Variants in NCKAP1 observed in about 807,000 individuals in gnomAD.
NCKAP1 encodes the protein nck-associated protein 1.
In NCKAP1, 21 loss-of-function variants were observed where a neutral mutation model predicts 151.2. The observed-to-expected ratio is 0.14, with a 90% CI of 0.10 to 0.20. The LOEUF (loss-of-function observed/expected upper bound fraction) is 0.20, where lower values mean the gene tolerates loss of function less well. Ranked by LOEUF, NCKAP1 falls within the 10% of genes least tolerant of loss-of-function variation. The pLI is 1.00. For missense variants in NCKAP1, 933 were observed against 1,352.1 expected (o/e 0.69, Z 4.86); for synonymous variants, 484 against 451.8 (o/e 1.07, Z -0.90).
chr2:182,917,674 G>A lies in NCKAP1; in HGVS notation c.*8028C>T, dbSNP rs1696489840. The stretch of plus-strand genomic sequence containing the variant: ...CCAAGTGTTGTATGTTCCAGTGTAG[G>A]ATCTCACTTCAACAGCTGCGTTACC... On this transcript the variant is annotated 3_prime_UTR_variant, in exon 31 of 31. Coordinates refer to ENST00000361354, the MANE Select transcript of NCKAP1 (RefSeq NM_013436.5). 1 of 152,004 alleles carries A rather than the reference G, an allele frequency of 6.6e-6. No homozygotes were observed. Among genetic ancestry groups the A allele is most frequent in the African/African-American group, 2.4e-5 (1 of 41,388 alleles). 9.4% of individuals were successfully genotyped at this position (152,004 alleles called of 1,614,324 possible). A position where few individuals can be genotyped will look rare whatever the true frequency, so the allele number is the denominator to read the frequency against.
At chr2:182,926,742 TA>T in intron 30 of NCKAP1, 73 bp downstream of exon 30, 1 of 1,036,094 alleles carries the variant, frequency 9.7e-7, no homozygotes. Context: ...ATTCAATGAC[TA>T]AGATGCCAAG....
At chr2:182,945,095 C>T (rs1301629529) in intron 23 of NCKAP1, among the ~76,000 whole-genome samples, 1 of 152,026 alleles carries the variant, frequency 6.6e-6, no homozygotes, top group Non-Finnish European at 1.5e-5. Context: ...ATTAGCAAGG[C>T]GTGGTGGCAG....
chr2:182,927,868 A>G (rs984036115), intron 29 of NCKAP1, among the ~76,000 whole-genome samples: 6 of 151,978 alleles, frequency 3.9e-5, no homozygotes, highest in African/African-American at 1.4e-4. Context: ...TCTAAGGGAA[A>G]TAACGGACGG....
At chr2:182,957,361 C>A in intron 19 of NCKAP1, 96 bp downstream of exon 19, 1 of 1,216,876 alleles carries the variant, frequency 8.2e-7, no homozygotes, top group South Asian at 2.2e-5. Flanking sequence ...GAAGAATATA[C>A]AATTATTAGC....
At chr2:182,965,937 G>A (rs1443123873) in intron 16 of NCKAP1, among the ~76,000 whole-genome samples, 1 of 152,088 alleles carries the variant, frequency 6.6e-6, no homozygotes, top group Non-Finnish European at 1.5e-5. Flanking sequence ...ACTTCCTAAT[G>A]TGTTTCATTA....
chr2:183,014,265 C>A (rs765629517), intron 2 of NCKAP1, among the ~76,000 whole-genome samples: 13 of 151,926 alleles, frequency 8.6e-5, no homozygotes, highest in Non-Finnish European at 1.2e-4. Context: ...CATACATATG[C>A]AGAACTTAAA....
intron 2 of NCKAP1, among the ~76,000 whole-genome samples, chr2:183,018,499 T>C (rs1011626165): frequency 6.6e-6 from 1 of 152,110 alleles, no homozygotes; most frequent in Admixed American, 6.5e-5. Flanking sequence ...CCACAGTGCA[T>C]GCATGTGTCA....
intron 28 of NCKAP1, among the ~76,000 whole-genome samples, chr2:182,928,499 G>A (rs1443285825): frequency 5.3e-5 from 8 of 151,906 alleles, no homozygotes; most frequent in Non-Finnish European, 1.2e-4. Flanking sequence ...ATAGTAGCTC[G>A]GAAATAAAAA....
rs747967802 is a variant in NCKAP1, at chr2:182,967,271, T to C, written c.1573A>G (p.Met525Val). Residue 525 changes from methionine to valine, a missense_variant, in exon 16 of 31, where the codon ATG becomes GTG. Coordinates refer to ENST00000361354, the MANE Select transcript of NCKAP1 (RefSeq NM_013436.5). ...AACATTTCCACCAAGGAATCTACCA[T>C]TTTTGTATGAAAAATTATTGTATTC... Reference protein sequence around the residue: ...MMNTIIFHTKMVDSLVEMLVE... With the variant: ...MMNTIIFHTKVVDSLVEMLVE... 7.4e-6 allele frequency: 12 copies of C among 1,612,430 alleles called. No homozygotes were observed. The highest frequency in any genetic ancestry group is 1.0e-5 in the Non-Finnish European group (12 of 1,179,198).
At chr2:183,021,540 G>A (rs1174526836) in intron 2 of NCKAP1, among the ~76,000 whole-genome samples, 1 of 152,190 alleles carries the variant, frequency 6.6e-6, no homozygotes, top group Non-Finnish European at 1.5e-5. Flanking sequence ...TGGTCTAGGA[G>A]TTCGGTGTTA....
At chr2:182,932,502 T>C (rs1277318251) in intron 26 of NCKAP1, among the ~76,000 whole-genome samples, 2 of 152,000 alleles carry the variant, frequency 1.3e-5, no homozygotes, top group Non-Finnish European at 2.9e-5. Context: ...AGGCTTCTTT[T>C]TGGGGATGAT....
rs1022646214 is a variant in NCKAP1, at chr2:182,921,574, A to C, written c.*4128T>G. On this transcript the variant is annotated 3_prime_UTR_variant, in exon 31 of 31. Coordinates refer to ENST00000361354, the MANE Select transcript of NCKAP1 (RefSeq NM_013436.5). The stretch of plus-strand genomic sequence containing the variant: ...ACCAAGAGGATTGTCTCAATCCTTA[A>C]GAGAAAGAAGAAGGTAAGGGCTGGG... 6 of 152,242 alleles carry C rather than the reference A, an allele frequency of 3.9e-5. No individual in the cohort carries two copies. Among genetic ancestry groups the C allele is most frequent in the African/African-American group, 1.4e-4 (6 of 41,448 alleles). The allele number at this position is 152,242 out of a possible 1,614,324, so 9.4% of individuals were successfully genotyped here. A position where few individuals can be genotyped will look rare whatever the true frequency, so the allele number is the denominator to read the frequency against.
In NCKAP1 at chr2:183,003,034, A is replaced by T; in HGVS notation, c.313-4T>A. 1 of 1,604,280 alleles carries T rather than the reference A, an allele frequency of 6.2e-7. No individual in the cohort carries two copies. ...TCAGCAATTCACAAACATGGTCCTG[A>T]AAAGAAATACTTATTTTAATCTTTT... On this transcript the variant is annotated splice_region_variant and splice_polypyrimidine_tract_variant and intron_variant, in intron 3 of 30. Coordinates refer to ENST00000361354, the MANE Select transcript of NCKAP1 (RefSeq NM_013436.5).
intron 2 of NCKAP1, among the ~76,000 whole-genome samples, chr2:183,005,446 C>A (rs983163321): frequency 2.6e-5 from 4 of 152,110 alleles, no homozygotes; most frequent in African/African-American, 9.7e-5. Context: ...CTTAAAAGAA[C>A]CTTCTTAAAG....
rs1228618278 is a variant in NCKAP1, at chr2:182,982,907, T to C, written c.1122A>G (p.Ala374=). ...LGPKALFVFM[A]LSFARDEIIW... is the part of the protein sequence containing the mutation. ...TGATTTCATCACGGGCAAAGGATAA[T>C]GCCATAAAAACAAAAAGTGCCTGTT... is the stretch of plus-strand genomic sequence containing the variant. Residue 374 remains alanine (A), a synonymous_variant, in exon 12 of 31, where the codon GCA becomes GCG. Transcript: ENST00000361354. 149 of 1,604,816 alleles carry C rather than the reference T, an allele frequency of 9.3e-5. No individual in the cohort carries two copies. Among genetic ancestry groups the C allele is most frequent in the Non-Finnish European group, 1.3e-4 (148 of 1,176,346 alleles).
intron 26 of NCKAP1, among the ~76,000 whole-genome samples, chr2:182,932,730 G>A (rs1468376471): frequency 6.6e-6 from 1 of 151,960 alleles, no homozygotes; most frequent in Admixed American, 6.6e-5. Flanking sequence ...TATGTCAGGT[G>A]AAAAGTGAAT....
chr2:182,938,423 C>T (rs1312588897), intron 24 of NCKAP1, among the ~76,000 whole-genome samples: 2 of 151,882 alleles, frequency 1.3e-5, no homozygotes, highest in Non-Finnish European at 2.9e-5. Context: ...AAGAGATAAA[C>T]ACGACAGAGA....
At chr2:183,006,552 C>T (rs561339917) in intron 2 of NCKAP1, among the ~76,000 whole-genome samples, 1 of 152,252 alleles carries the variant, frequency 6.6e-6, no homozygotes, top group South Asian at 2.1e-4. Context: ...ATCACGTTCC[C>T]CATTTTAGTG....
intron 8 of NCKAP1, among the ~76,000 whole-genome samples, chr2:182,990,108 T>C (rs2105862992): frequency 6.6e-6 from 1 of 152,058 alleles, no homozygotes; most frequent in East Asian, 1.9e-4. Context: ...ATCCTCACAT[T>C]TTTAATAGCA....
Sources: gnomAD v4.1 joint callset for allele counts (sites outside exome capture counted in the v4.1 genomes callset) on GRCh38, gnomAD v4.1.1 for gene constraint, MANE v1.5 for transcripts, NCBI Gene and HGNC (gene_info 2026-07-23, HGNC 2026-07-21) for gene names.